DDX39B: variants seen among roughly 807,000 people sequenced by gnomAD.
The protein encoded by DDX39B is DExD-box helicase 39B, also known as spliceosome RNA helicase DDX39B.
DDX39B carries 6 observed loss-of-function variants against 46.4 expected under a neutral mutation model. The observed-to-expected ratio is 0.13, with a 90% CI of 0.07 to 0.26. DDX39B has a LOEUF of 0.26. Among genes scored for constraint, DDX39B ranks in the 10% least tolerant of loss-of-function variants. The probability of loss-of-function intolerance (pLI) is 1.00; values close to 1 mark genes in which losing one functional copy is unlikely to be tolerated. For synonymous variants in DDX39B, 174 were observed against 199.4 expected (o/e 0.87, Z 1.07); for missense variants, 185 against 553.4 (o/e 0.33, Z 6.68).
chr6:31,538,067 CTAACA>C (rs1481487180), intron 4 of DDX39B, among the ~76,000 whole-genome samples: 1 of 152,016 alleles, frequency 6.6e-6, no homozygotes, highest in Non-Finnish European at 1.5e-5. Context: ...AATAAAATAA[CTAACA>C]TAAGTCGACC....
rs1322784607 is a variant in DDX39B at position 31,539,165 on chromosome 6, C to T, written c.321G>A (p.Leu107=). The T allele has an allele frequency of 6.2e-7, 1 of 1,613,156 alleles. No individual in the cohort carries two copies. The highest frequency in any genetic ancestry group is 1.3e-5 in the African/African-American group (1 of 74,932). Residue 107 remains leucine (L), a synonymous_variant, in exon 3 of 11, where the codon CTG becomes CTA. Coordinates refer to ENST00000396172, the MANE Select transcript of DDX39B (RefSeq NM_004640.7). ...AATATACCTGCCCAGTAACTGGCTC[C>T]AGCTGTTGCAGTGTGGCCAAGACAA... ...AVFVLATLQQ[L]EPVTGQVSVL... is the part of the protein sequence containing the mutation.
chr6:31,532,625 C>T, intron 7 of DDX39B, 155 bp downstream of exon 7: 1 of 934,170 alleles, frequency 1.1e-6, no homozygotes, highest in Non-Finnish European at 1.6e-6. Flanking sequence ...GCAGCTCCCA[C>T]CTTACTCATG....
Position 31,530,261 on chromosome 6 carries a change from TA to T in DDX39B, c.*172del, listed in dbSNP as rs3219189. 31,022 of 879,974 alleles carry T rather than the reference TA, an allele frequency of 0.035. 958 individuals are homozygous for T. The highest frequency in any genetic ancestry group is 0.12 in the East Asian group (4,512 of 36,680). The allele number at this position is 879,974 out of a possible 1,614,324, so 54.5% of individuals were successfully genotyped here. A position where few individuals can be genotyped will look rare whatever the true frequency, so the allele number is the denominator to read the frequency against. On this transcript the variant is annotated 3_prime_UTR_variant, in exon 11 of 11. Transcript: ENST00000396172. The surrounding 1 kb of genome is among the most constrained non-coding windows in gnomAD (Gnocchi z 4.5). ...ACATGTGTTTCATTTTTAGTTTTGT[TA>T]AAAAAAAATTCTGACAAATCAGAAA...
Position 31,530,964 on chromosome 6 carries a change from AG to A in DDX39B, c.1123-39del. ...AGAGGGTAGCACTGGAAGACCGAAG[AG>A]GAAAGAGACCCAGAGGCAGGAATGA... On this transcript the variant is annotated intron_variant, in intron 9 of 10. Coordinates refer to ENST00000396172, the MANE Select transcript of DDX39B (RefSeq NM_004640.7). This position sits in a 1 kb window ranked among gnomAD's most constrained non-coding sequence, Gnocchi z 4.5. 1 of 1,613,830 alleles carries A rather than the reference AG, an allele frequency of 6.2e-7. No individual in the cohort carries two copies. The highest frequency in any genetic ancestry group is 1.1e-5 in the South Asian group (1 of 91,066).
Position 31,530,518 on chromosome 6 carries a change from C to A in DDX39B, c.1271-68G>T. ...GGGAAAGTGAGGCAGGAACACACGGCACACATGCAGACACTGGTGTACTGC... is the reference window on the plus strand; with the variant it reads ...GGGAAAGTGAGGCAGGAACACACGGAACACATGCAGACACTGGTGTACTGC... On this transcript the variant is annotated intron_variant, in intron 10 of 10. Coordinates refer to ENST00000396172, the MANE Select transcript of DDX39B (RefSeq NM_004640.7). This position sits in a 1 kb window ranked among gnomAD's most constrained non-coding sequence, Gnocchi z 4.5. 6.2e-7 allele frequency: 1 copy of A among 1,603,102 alleles called. No homozygotes were observed. The highest frequency in any genetic ancestry group is 8.5e-7 in the Non-Finnish European group (1 of 1,171,804).
At position 31,540,566 on chromosome 6, in the gene DDX39B, T is replaced by C; in HGVS notation, c.-34A>G. The C allele has an allele frequency of 6.2e-7, 1 of 1,609,554 alleles. No homozygotes were observed. Among genetic ancestry groups the C allele is most frequent in the Non-Finnish European group, 8.5e-7 (1 of 1,177,206 alleles). On this transcript the variant is annotated 5_prime_UTR_variant, in exon 2 of 11. Coordinates refer to ENST00000396172, the MANE Select transcript of DDX39B (RefSeq NM_004640.7). ...CGGCAGGGGAAGAAGGGAAGGGGGATCTGGATGGGTTCTCGCAAAATAGGT... is the reference window on the plus strand; with the variant it reads ...CGGCAGGGGAAGAAGGGAAGGGGGACCTGGATGGGTTCTCGCAAAATAGGT...
intron 1 of DDX39B, chr6:31,541,625 C>G: frequency 2.1e-6 from 1 of 479,066 alleles, no homozygotes; most frequent in Non-Finnish European, 4.3e-6. Context: ...CCCCGCCCTC[C>G]GCAAATACCA....
In DDX39B at chr6:31,535,540, A is replaced by G; in HGVS notation, c.617-55T>C. 1 of 1,425,080 alleles carries G rather than the reference A, an allele frequency of 7.0e-7. No homozygotes were observed. The highest frequency in any genetic ancestry group is 1.2e-5 in the South Asian group (1 of 85,272). 88.3% of individuals were successfully genotyped at this position (1,425,080 alleles called of 1,614,324 possible). On this transcript the variant is annotated intron_variant, in intron 5 of 10. Transcript: ENST00000396172. This position sits in a 1 kb window ranked among gnomAD's most constrained non-coding sequence, Gnocchi z 4.6. Reference sequence around the variant, plus strand: ...GAAAATAAGCAGGTATGATAAACAAAGATTAGAGGTAGACTTCCCAGTGAG... The same window carrying G: ...GAAAATAAGCAGGTATGATAAACAAGGATTAGAGGTAGACTTCCCAGTGAG...
At position 31,540,252 on chromosome 6, in the gene DDX39B, C is replaced by T. The variant is rs11757236; in HGVS notation, c.211+70G>A. ...TAAACCCTTACCACCACCTGAGCAA[C>T]GACAAACACATCTTTGTATTGTACC... On this transcript the variant is annotated intron_variant, in intron 2 of 10. Transcript: ENST00000396172. The T allele has an allele frequency of 1.1e-3, 1,643 of 1,525,468 alleles. 17 individuals carry two copies. In the African/African-American group the frequency reaches 0.014, roughly 13 times the overall value. The allele number at this position is 1,525,468 out of a possible 1,614,324, so 94.5% of individuals were successfully genotyped here.
chr6:31,536,334 T>G (rs1330248174), intron 5 of DDX39B, 166 bp downstream of exon 5: 8 of 952,278 alleles, frequency 8.4e-6, no homozygotes, highest in East Asian at 2.4e-5. Flanking sequence ...CACCCTTTAC[T>G]GTGCTTAAAA....
In DDX39B at chr6:31,532,711, T is replaced by C. The variant is rs920434818; in HGVS notation, c.867+69A>G. 7 of 1,571,978 alleles carry C rather than the reference T, an allele frequency of 4.5e-6. No individual in the cohort carries two copies. In the African/African-American group the frequency reaches 5.4e-5, roughly 12 times the overall value. The stretch of plus-strand genomic sequence containing the variant: ...TGTGATTTCCTCAATAAAAGTGTAC[T>C]TAATATCCAGGTTTCTGCTACAGCT... On this transcript the variant is annotated intron_variant, in intron 7 of 10. Coordinates refer to ENST00000396172, the MANE Select transcript of DDX39B (RefSeq NM_004640.7).
Position 31,530,878 on chromosome 6 carries a change from C to T in DDX39B, c.1171G>A (p.Val391Met). ...ATCTTGGCATCATTCTCATCGGACA[C>T]AAATGTGATAGCCAAGCCCTTGGTG... ...FGTKGLAITF[V>M]SDENDAKILN... The change falls in exon 10 of 11, where the codon GTG becomes ATG. Residue 391 changes from valine to methionine, a missense_variant. Coordinates refer to ENST00000396172, the MANE Select transcript of DDX39B (RefSeq NM_004640.7). The surrounding 1 kb of genome is among the most constrained non-coding windows in gnomAD (Gnocchi z 4.5). The T allele has an allele frequency of 6.2e-7, 1 of 1,614,134 alleles. No individual in the cohort carries two copies. The highest frequency in any genetic ancestry group is 8.5e-7 in the Non-Finnish European group (1 of 1,180,036).
At position 31,530,887 on chromosome 6, in the gene DDX39B, T is replaced by C. The variant is rs1421720981; in HGVS notation, c.1162A>G (p.Ile388Val). ...AGRFGTKGLA[I>V]TFVSDENDAK... ...TCATTCTCATCGGACACAAATGTGA[T>C]AGCCAAGCCCTTGGTGCCAAACCGG... Residue 388 changes from isoleucine (I) to valine (V), a missense_variant, in exon 10 of 11, where the codon ATC becomes GTC. This residue lies in a region of DDX39B where 22 missense variants were observed against 52.3 expected (regional missense o/e 0.42). Coordinates refer to ENST00000396172, the MANE Select transcript of DDX39B (RefSeq NM_004640.7). This position sits in a 1 kb window ranked among gnomAD's most constrained non-coding sequence, Gnocchi z 4.5. 11 of 1,614,128 alleles carry C rather than the reference T, an allele frequency of 6.8e-6. No homozygotes were observed. Among genetic ancestry groups the C allele is most frequent in the Non-Finnish European group, 9.3e-6 (11 of 1,180,030 alleles).
chr6:31,533,515 G>C (rs74981283), intron 6 of DDX39B: 2,876 of 155,392 alleles, frequency 0.019, 64 homozygotes, highest in South Asian at 0.09. Flanking sequence ...CTTGCCGTCA[G>C]ACCACAACAG....
chr6:31,535,070 T>G lies in DDX39B; in HGVS notation c.735+297A>C. ...ATGGGTGGGTGGTAGGGCAGAAAAATCCTGCCCTCCCCCAAAGGGAGAAGA... is the reference window on the plus strand; with the variant it reads ...ATGGGTGGGTGGTAGGGCAGAAAAAGCCTGCCCTCCCCCAAAGGGAGAAGA... On this transcript the variant is annotated intron_variant, in intron 6 of 10. Transcript: ENST00000396172. This position sits in a 1 kb window ranked among gnomAD's most constrained non-coding sequence, Gnocchi z 4.6. 1 of 451,634 alleles carries G rather than the reference T, an allele frequency of 2.2e-6. No homozygotes were observed. The highest frequency in any genetic ancestry group is 4.1e-5 in the East Asian group (1 of 24,288). 28.0% of individuals were successfully genotyped at this position (451,634 alleles called of 1,614,324 possible).
intron 6 of DDX39B, chr6:31,533,191 C>A: frequency 2.8e-6 from 1 of 359,646 alleles, no homozygotes; most frequent in South Asian, 2.5e-5. Flanking sequence ...GTGAAACCAC[C>A]CAATGGCACA....
chr6:31,537,873 T>TAA (rs557348832), intron 4 of DDX39B, among the ~76,000 whole-genome samples: 1 of 149,844 alleles, frequency 6.7e-6, no homozygotes, highest in African/African-American at 2.5e-5. Context: ...CTGTCACTAC[T>TAA]AAAAAAAAAC....
At chr6:31,532,382 G>T in intron 7 of DDX39B, 1 of 183,178 alleles carries the variant, frequency 5.5e-6, no homozygotes, top group South Asian at 9.0e-5. Flanking sequence ...GGGACTACAG[G>T]CATACACCAC....
Position 31,535,448 on chromosome 6 carries a change from G to A in DDX39B, c.654C>T (p.Thr218=). ...ACATCATGACCTGCTTCTCGTGGGG[G>A]GTCATGCGAAAAATTTCCTGGACAT... ...RRDVQEIFRM[T]PHEKQVMMFS... Residue 218 remains threonine, a synonymous_variant, in exon 6 of 11, where the codon ACC becomes ACT. Transcript: ENST00000396172. This position sits in a 1 kb window ranked among gnomAD's most constrained non-coding sequence, Gnocchi z 4.6. The A allele has an allele frequency of 1.9e-6, 3 of 1,612,990 alleles. No homozygotes were observed. Among genetic ancestry groups the A allele is most frequent in the Non-Finnish European group, 2.5e-6 (3 of 1,179,856 alleles).
Sources: gnomAD v4.1 joint callset for allele counts (sites outside exome capture counted in the v4.1 genomes callset) on GRCh38, gnomAD v4.1.1 for gene constraint, gnomAD v4.1.1 regional missense constraint, Gnocchi (gnomAD v3.1) non-coding constraint, MANE v1.5 for transcripts, NCBI Gene and HGNC (gene_info 2026-07-23, HGNC 2026-07-21) for gene names.